TNFSF4: variants seen among roughly 807,000 people sequenced by gnomAD.
TNFSF4 encodes TNF superfamily member 4.
TNFSF4 carries 4 observed loss-of-function variants against 7.3 expected under a neutral mutation model. That is an observed-to-expected ratio of 0.55 (90% CI 0.27 to 1.25). The LOEUF (loss-of-function observed/expected upper bound fraction) is 1.25. TNFSF4 is among the 50% of genes most tolerant of loss of function. The pLI, the probability that TNFSF4 is intolerant of heterozygous loss-of-function variation, is 0.12. For missense variants in TNFSF4, 181 were observed against 208.8 expected (o/e 0.87, Z 0.82); for synonymous variants, 76 against 83.7 (o/e 0.91, Z 0.50).
At chr1:173,315,600 A>T in the TNFSF4 span, among the ~76,000 whole-genome samples, 2 of 152,182 alleles carry the variant, frequency 1.3e-5, no homozygotes, top group African/African-American at 4.8e-5. Flanking sequence ...AGGACACGTG[A>T]TTAAAGGGAG....
At chr1:173,191,113 C>G (rs1489063380) in intron 1 of TNFSF4, among the ~76,000 whole-genome samples, 1 of 152,140 alleles carries the variant, frequency 6.6e-6, no homozygotes, top group Admixed American at 6.5e-5. Context: ...CAAAAATATC[C>G]TGCAACTTAA....
At chr1:173,226,804 T>A in the TNFSF4 span, among the ~76,000 whole-genome samples, 2 of 152,230 alleles carry the variant, frequency 1.3e-5, no homozygotes, top group Non-Finnish European at 2.9e-5. Flanking sequence ...TAAGTATTTC[T>A]CTAATTTTAC....
chr1:173,383,526 T>C, the TNFSF4 span, among the ~76,000 whole-genome samples: 1 of 152,242 alleles, frequency 6.6e-6, no homozygotes, highest in Non-Finnish European at 1.5e-5. Flanking sequence ...ATATTGAAGA[T>C]TACCTCATTT....
the TNFSF4 span, among the ~76,000 whole-genome samples, chr1:173,357,379 G>A: frequency 3.1e-3 from 471 of 152,306 alleles, no homozygotes; most frequent in Non-Finnish European, 5.5e-3. Context: ...AGGGAAGGTT[G>A]ACAGTATGCC....
At chr1:173,449,629 G>A in the TNFSF4 span, among the ~76,000 whole-genome samples, 2 of 152,158 alleles carry the variant, frequency 1.3e-5, no homozygotes, top group Admixed American at 6.5e-5. Flanking sequence ...ATGAGCCACC[G>A]TGCCTGGCCT....
At chr1:173,317,785 G>A in the TNFSF4 span, among the ~76,000 whole-genome samples, 1 of 152,116 alleles carries the variant, frequency 6.6e-6, no homozygotes, top group African/African-American at 2.4e-5. Context: ...AGTATCAATA[G>A]GATTTTTCCG....
At chr1:173,217,403 AT>A in the TNFSF4 span, among the ~76,000 whole-genome samples, 1 of 152,192 alleles carries the variant, frequency 6.6e-6, no homozygotes. Context: ...AAGTAAAAGC[AT>A]TACTATTTCT....
the TNFSF4 span, among the ~76,000 whole-genome samples, chr1:173,361,217 A>G: frequency 6.6e-6 from 1 of 152,218 alleles, no homozygotes; most frequent in Non-Finnish European, 1.5e-5. Flanking sequence ...GGCTTTTGAT[A>G]TGCTGAGTGG....
the TNFSF4 span, among the ~76,000 whole-genome samples, chr1:173,333,783 T>C: frequency 1.3e-5 from 2 of 152,192 alleles, no homozygotes; most frequent in African/African-American, 4.8e-5. Flanking sequence ...TATTTTGTTA[T>C]GACAGCATGC....
chr1:173,191,585 A>G (rs1032462084), intron 1 of TNFSF4, among the ~76,000 whole-genome samples: 4 of 152,124 alleles, frequency 2.6e-5, no homozygotes, highest in Non-Finnish European at 5.9e-5. Flanking sequence ...TGCCACATAT[A>G]TCCTTTCTGT....
At chr1:173,201,898 C>A (rs16845600) in intron 1 of TNFSF4, among the ~76,000 whole-genome samples, 4,823 of 152,146 alleles carry the variant, frequency 0.032, 237 homozygotes, top group African/African-American at 0.11. Context: ...TACAACTCAG[C>A]TGGGTTATTT....
At chr1:173,250,957 T>G in the TNFSF4 span, among the ~76,000 whole-genome samples, 2 of 152,132 alleles carry the variant, frequency 1.3e-5, no homozygotes, top group Non-Finnish European at 2.9e-5. Flanking sequence ...TTTCTCAAAA[T>G]GTAGTCCCCA....
intron 1 of TNFSF4, among the ~76,000 whole-genome samples, chr1:173,196,419 A>G (rs976333604): frequency 6.7e-6 from 1 of 150,242 alleles, no homozygotes. Flanking sequence ...CTCTGCCAGC[A>G]TATTTTCCCA....
the TNFSF4 span, among the ~76,000 whole-genome samples, chr1:173,274,886 T>C: frequency 1.3e-5 from 2 of 152,242 alleles, no homozygotes; most frequent in South Asian, 2.1e-4. Flanking sequence ...TTATTTTGCA[T>C]GTCTCACTAA....
At chr1:173,287,458 A>G in the TNFSF4 span, among the ~76,000 whole-genome samples, 2 of 152,242 alleles carry the variant, frequency 1.3e-5, no homozygotes, top group South Asian at 2.1e-4. Flanking sequence ...TGGAATTCTC[A>G]TACAGTAATG....
chr1:173,337,247 T>C, the TNFSF4 span, among the ~76,000 whole-genome samples: 2 of 152,198 alleles, frequency 1.3e-5, no homozygotes, highest in Non-Finnish European at 2.9e-5. Context: ...CTTGGCCTGC[T>C]ACTGGCCTTA....
At chr1:173,312,611 A>T in the TNFSF4 span, among the ~76,000 whole-genome samples, 1 of 152,062 alleles carries the variant, frequency 6.6e-6, no homozygotes, top group Admixed American at 6.6e-5. Context: ...GATTTCCTAA[A>T]AGTTCACTTC....
At chr1:173,259,059 A>G in the TNFSF4 span, among the ~76,000 whole-genome samples, 1 of 152,020 alleles carries the variant, frequency 6.6e-6, no homozygotes, top group Non-Finnish European at 1.5e-5. Flanking sequence ...CCCAGCCAAC[A>G]GGGGTCACTA....
the TNFSF4 span, among the ~76,000 whole-genome samples, chr1:173,389,045 T>C: frequency 6.6e-6 from 1 of 152,248 alleles, no homozygotes. Context: ...TATATAATTA[T>C]GTGCATTACA....
Sources: allele counts gnomAD v4.1 joint callset (sites outside exome capture counted in the v4.1 genomes callset), GRCh38; gene constraint gnomAD v4.1.1; transcripts MANE v1.5; gene names NCBI Gene and HGNC (gene_info 2026-07-23, HGNC 2026-07-21).